Variants in PGAP3 observed in about 807,000 individuals in gnomAD.
PGAP3 encodes the protein GPI-specific phospholipase A2-like PGAP3.
A neutral mutation model predicts 40.3 loss-of-function variants in PGAP3; 31 were observed. That is an observed-to-expected ratio of 0.77 (90% CI 0.58 to 1.04). The LOEUF (loss-of-function observed/expected upper bound fraction) is 1.04. Among genes scored for constraint, PGAP3 ranks in the 50% least tolerant of loss-of-function variants. PGAP3 has a pLI of 0.00. For missense variants in PGAP3, 413 were observed against 423.0 expected (o/e 0.98, Z 0.21); for synonymous variants, 191 against 184.5 (o/e 1.04, Z -0.29).
intron 5 of PGAP3, 128 bp downstream of exon 5, chr17:39,673,865 G>A (rs1254264910): frequency 1.6e-6 from 2 of 1,272,212 alleles, no homozygotes; most frequent in Non-Finnish European, 2.2e-6. Context: ...CAGGACAGCT[G>A]ATGTGTTGGG....
intron 3 of PGAP3, among the ~76,000 whole-genome samples, chr17:39,679,724 C>G (rs1352448382): frequency 1.3e-5 from 2 of 152,200 alleles, no homozygotes; most frequent in Non-Finnish European, 2.9e-5. Context: ...ATGCCAGGCC[C>G]TGCCTACATC....
intron 3 of PGAP3, among the ~76,000 whole-genome samples, chr17:39,675,574 C>T (rs2057366363): frequency 6.6e-6 from 1 of 152,090 alleles, no homozygotes; most frequent in South Asian, 2.1e-4. Context: ...TAGGGTGGGA[C>T]AGGCCTGGCG....
At chr17:39,674,509 C>T in intron 4 of PGAP3, 108 bp downstream of exon 4, 1 of 1,237,950 alleles carries the variant, frequency 8.1e-7, no homozygotes, top group South Asian at 1.5e-5. Context: ...CATACTCCTC[C>T]CAGTGCTCCT....
intron 3 of PGAP3, among the ~76,000 whole-genome samples, chr17:39,675,491 G>A (rs1240127823): frequency 6.6e-6 from 1 of 152,232 alleles, no homozygotes; most frequent in Admixed American, 6.5e-5. Flanking sequence ...TGAAGGGAAG[G>A]GCTGGGAAAT....
In PGAP3 at chr17:39,685,949, A is replaced by G. The variant is rs1597827938; in HGVS notation, c.252T>C (p.Gly84=). 1 of 1,613,354 alleles carries G rather than the reference A, an allele frequency of 6.2e-7. No homozygotes were observed. The change falls in exon 2 of 8, where the codon GGT becomes GGC. Residue 84 remains glycine, a synonymous_variant. Transcript: ENST00000300658. ...TGCCATGGAACTGAGGCACTTTGTG[A>G]CCTTCCTGGAGGTAGAGCCCAACGG... is the stretch of plus-strand genomic sequence containing the variant. ...WVTVGLYLQE[G]HKVPQFHGKW... is the part of the protein sequence containing the mutation.
intron 3 of PGAP3, among the ~76,000 whole-genome samples, chr17:39,679,866 G>C (rs1196387412): frequency 6.6e-6 from 1 of 152,176 alleles, no homozygotes; most frequent in East Asian, 1.9e-4. Context: ...CCCCACACAT[G>C]TATGTGTCTA....
intron 3 of PGAP3, among the ~76,000 whole-genome samples, chr17:39,679,870 G>A (rs1332152051): frequency 6.6e-6 from 1 of 152,184 alleles, no homozygotes; most frequent in Non-Finnish European, 1.5e-5. Context: ...ACACATGTAT[G>A]TGTCTAAGCC....
intron 3 of PGAP3, among the ~76,000 whole-genome samples, chr17:39,680,472 C>G (rs2057425749): frequency 6.6e-6 from 1 of 152,168 alleles, no homozygotes; most frequent in Non-Finnish European, 1.5e-5. Context: ...TTAACAGCCT[C>G]CTTCCCTGAC....
intron 2 of PGAP3, 130 bp from the exon 3 acceptor site, chr17:39,684,879 T>G (rs2057489644): frequency 8.8e-6 from 10 of 1,133,318 alleles, no homozygotes; most frequent in Non-Finnish European, 1.2e-5. Flanking sequence ...GGCCAAAGCC[T>G]CAGGTTCAGT....
rs111363694 is a variant in PGAP3 at position 39,684,086 on chromosome 17, T to G, written c.432+511A>C. On this transcript the variant is annotated intron_variant, in intron 3 of 7. Coordinates refer to ENST00000300658, the MANE Select transcript of PGAP3 (RefSeq NM_033419.5). ...TTGCAGTGAGCCAAGATTGCGCCAT[T>G]TGCACTCCAGCCTGGGTGACACAGT... Among the ~76,000 whole-genome samples the G allele has an allele frequency of 7.3e-3, 1,058 of 145,872 alleles. 8 individuals carry two copies. Among genetic ancestry groups the G allele is most frequent in the African/African-American group, 0.026 (990 of 37,790 alleles).
intron 3 of PGAP3, among the ~76,000 whole-genome samples, chr17:39,679,212 TG>T (rs1277577339): frequency 1.3e-5 from 2 of 152,188 alleles, no homozygotes; most frequent in Admixed American, 1.3e-4. Flanking sequence ...CCCAAAGTGC[TG>T]GGATTACAGA....
chr17:39,675,583 C>T lies in PGAP3; in HGVS notation c.433-904G>A, dbSNP rs1282986271. ...ATGCGCTAGGGTGGGACAGGCCTGGCGGAGATGAGGAAAGGCCAGGAACTG... is the reference window on the plus strand; with the variant it reads ...ATGCGCTAGGGTGGGACAGGCCTGGTGGAGATGAGGAAAGGCCAGGAACTG... On this transcript the variant is annotated intron_variant, in intron 3 of 7. Coordinates refer to ENST00000300658, the MANE Select transcript of PGAP3 (RefSeq NM_033419.5). Among the ~76,000 whole-genome samples the T allele has an allele frequency of 4.0e-5, 6 of 151,842 alleles. No homozygotes were observed. The East Asian group carries it at 5.8e-4, about 15-fold the overall frequency.
rs768282987 is a variant in PGAP3 at position 39,688,002 on chromosome 17, C to T, written c.13G>A (p.Ala5Thr). 6 of 1,412,076 alleles carry T rather than the reference C, an allele frequency of 4.2e-6. No individual in the cohort carries two copies. Among genetic ancestry groups the T allele is most frequent in the Non-Finnish European group, 5.6e-6 (6 of 1,065,420 alleles). 87.5% of individuals were successfully genotyped at this position (1,412,076 alleles called of 1,614,324 possible). Residue 5 changes from alanine to threonine, a missense_variant, in exon 1 of 8, where the codon GCG (alanine) becomes ACG (threonine). Physicochemically the swap from Ala to Thr is moderately conservative, Grantham distance 58. Transcript: ENST00000300658. Reference sequence around the variant, plus strand: ...CCAGCTAGCAGGACCAACCGCGCCGCCAGGCCGGCCATCCTTTCTCCCTGG... The same window carrying T: ...CCAGCTAGCAGGACCAACCGCGCCGTCAGGCCGGCCATCCTTTCTCCCTGG... MAGL[A>T]ARLVLLAGAA...
rs2057336728 is a variant in PGAP3, at chr17:39,673,532, C to T, written c.676G>A (p.Val226Met). 4 of 1,614,140 alleles carry T rather than the reference C, an allele frequency of 2.5e-6. No homozygotes were observed. Among genetic ancestry groups the T allele is most frequent in the Non-Finnish European group, 3.4e-6 (4 of 1,180,022 alleles). Residue 226 changes from valine (V) to methionine (M), a missense_variant, in exon 6 of 8, where the codon GTG becomes ATG. Transcript: ENST00000300658. ...GCCTCACCAATAGCCACGTTGGCCA[C>T]CAGGTTGTAGCCATAGTCGAAGCGG... ...LIRFDYGYNL[V>M]ANVAIGLVNV...
At chr17:39,683,545 C>G (rs1470569371) in intron 3 of PGAP3, among the ~76,000 whole-genome samples, 1 of 152,214 alleles carries the variant, frequency 6.6e-6, no homozygotes, top group Admixed American at 6.5e-5. Flanking sequence ...AGTAGGTGCT[C>G]AACACCTGAG....
At chr17:39,686,734 A>C (rs542280223) in intron 1 of PGAP3, among the ~76,000 whole-genome samples, 8 of 151,926 alleles carry the variant, frequency 5.3e-5, no homozygotes, top group African/African-American at 1.9e-4. Context: ...TTTGTAGAGA[A>C]GGCATCTTGT....
chr17:39,675,512 A>G (rs2057365513), intron 3 of PGAP3, among the ~76,000 whole-genome samples: 1 of 152,194 alleles, frequency 6.6e-6, no homozygotes, highest in Admixed American at 6.5e-5. Context: ...CGTGACAACC[A>G]AAGGAACAGC....
chr17:39,687,806 CGGGGCTTACCGTGGGGGT>C lies in PGAP3; in HGVS notation c.181+10_181+27del. On this transcript the variant is annotated intron_variant, in intron 1 of 7. Transcript: ENST00000300658. ...AGGGGGCGGGAGCAAGACAAATGGGCGGGGCTTACCGTGGGGGTGGGGCTTACCTGCTAGACTCATGTA... is the reference window on the plus strand; with the variant it reads ...AGGGGGCGGGAGCAAGACAAATGGGCGGGGCTTACCTGCTAGACTCATGTA... 1 of 1,316,340 alleles carries C rather than the reference CGGGGCTTACCGTGGGGGT, an allele frequency of 7.6e-7. No individual in the cohort carries two copies. The highest frequency in any genetic ancestry group is 9.8e-7 in the Non-Finnish European group (1 of 1,021,094). The allele number at this position is 1,316,340 out of a possible 1,614,324, so 81.5% of individuals were successfully genotyped here.
chr17:39,673,854 C>G, intron 5 of PGAP3, 139 bp downstream of exon 5: 1 of 1,243,420 alleles, frequency 8.0e-7, no homozygotes, highest in Non-Finnish European at 1.1e-6. Context: ...GAGTCCTCAC[C>G]CAGGACAGCT....
Sources: gnomAD v4.1 joint callset for allele counts (sites outside exome capture counted in the v4.1 genomes callset) on GRCh38, gnomAD v4.1.1 for gene constraint, MANE v1.5 for transcripts, NCBI Gene and HGNC (gene_info 2026-07-23, HGNC 2026-07-21) for gene names.